CENPW: variants seen among roughly 807,000 people sequenced by gnomAD.
CENPW encodes the protein cancer-up-regulated gene 2 protein.
In CENPW, 3 loss-of-function variants were observed where a neutral mutation model predicts 11.1. The observed-to-expected ratio is 0.27, with a 90% CI of 0.12 to 0.70. The LOEUF (loss-of-function observed/expected upper bound fraction) is 0.70, where lower values mean the gene tolerates loss of function less well. Among genes scored for constraint, CENPW ranks in the 30% least tolerant of loss-of-function variants. The pLI is 0.77. For missense variants in CENPW, 100 were observed against 105.6 expected, an observed-to-expected ratio of 0.95 and a Z score of 0.23; for synonymous variants, 38 against 42.0, an observed-to-expected ratio of 0.91 and a Z score of 0.37.
the CENPW span, among the ~76,000 whole-genome samples, chr6:126,416,736 G>T: frequency 9.2e-5 from 14 of 152,212 alleles, no homozygotes; most frequent in Admixed American, 5.9e-4. Context: ...CCAGTGCACA[G>T]AAGTCAAGAA....
At chr6:126,362,883 A>C in the CENPW span, among the ~76,000 whole-genome samples, 2 of 152,174 alleles carry the variant, frequency 1.3e-5, no homozygotes, top group Non-Finnish European at 1.5e-5. Flanking sequence ...TACCCATAAG[A>C]GAAATACTGC....
chr6:126,342,004 A>G (rs1583952461), intron 1 of CENPW, among the ~76,000 whole-genome samples: 1 of 152,216 alleles, frequency 6.6e-6, no homozygotes, highest in Admixed American at 6.5e-5. Flanking sequence ...TTTCCCAGGT[A>G]GTATGCTCGT....
chr6:126,364,769 C>T, the CENPW span, among the ~76,000 whole-genome samples: 3 of 152,290 alleles, frequency 2.0e-5, no homozygotes, highest in South Asian at 2.1e-4. Flanking sequence ...CTTACCTTGT[C>T]ACCCTCCTAT....
the CENPW span, among the ~76,000 whole-genome samples, chr6:126,479,107 A>G: frequency 6.6e-6 from 1 of 151,832 alleles, no homozygotes; most frequent in East Asian, 1.9e-4. Flanking sequence ...ACTTGGTTTT[A>G]TCTCTTTCTT....
rs549840526 is a variant in CENPW at position 126,346,503 on chromosome 6, A to T, written c.240+185A>T. Among the ~76,000 whole-genome samples the T allele has an allele frequency of 5.3e-5, 8 of 152,286 alleles. No homozygotes were observed. In the South Asian group the frequency reaches 1.7e-3, roughly 32 times the overall value. On this transcript the variant is annotated intron_variant, in intron 2 of 2. Transcript: ENST00000368328. Reference sequence around the variant, plus strand: ...TCCATATGTATATTATTAATTTCCAATGGTAATATTAATGGCCACTGCTTT... The same window carrying T: ...TCCATATGTATATTATTAATTTCCATTGGTAATATTAATGGCCACTGCTTT...
the CENPW span, among the ~76,000 whole-genome samples, chr6:126,408,077 A>G: frequency 1.3e-5 from 2 of 152,192 alleles, no homozygotes; most frequent in African/African-American, 2.4e-5. Context: ...TTAACAAGCA[A>G]TAGGGAAAGG....
the CENPW span, among the ~76,000 whole-genome samples, chr6:126,384,691 A>C: frequency 6.6e-6 from 1 of 152,156 alleles, no homozygotes; most frequent in Admixed American, 6.6e-5. Flanking sequence ...TCTAGGCAAT[A>C]CCATTCTGGA....
the CENPW span, among the ~76,000 whole-genome samples, chr6:126,379,563 C>T: frequency 6.6e-6 from 1 of 152,212 alleles, no homozygotes; most frequent in African/African-American, 2.4e-5. Context: ...GAAACCTACA[C>T]TGGTTTATTC....
the CENPW span, among the ~76,000 whole-genome samples, chr6:126,441,086 C>A: frequency 6.6e-6 from 1 of 151,346 alleles, no homozygotes; most frequent in African/African-American, 2.4e-5. Context: ...GTCTACCAAG[C>A]AGATATACCC....
At chr6:126,458,547 T>C in the CENPW span, among the ~76,000 whole-genome samples, 1 of 151,350 alleles carries the variant, frequency 6.6e-6, no homozygotes, top group Non-Finnish European at 1.5e-5. Context: ...AGGTGAGCTT[T>C]CCATGCCCAT....
chr6:126,472,213 T>G, the CENPW span, among the ~76,000 whole-genome samples: 1 of 152,292 alleles, frequency 6.6e-6, no homozygotes, highest in South Asian at 2.1e-4. Context: ...ATTGATAAGT[T>G]TTAGCATATG....
the CENPW span, among the ~76,000 whole-genome samples, chr6:126,400,608 T>C: frequency 9.9e-5 from 15 of 152,222 alleles, 1 homozygote; most frequent in South Asian, 2.9e-3. Flanking sequence ...TATCAGACAT[T>C]ATCTCTTCAA....
At chr6:126,342,510 C>T (rs1480236089) in intron 1 of CENPW, among the ~76,000 whole-genome samples, 2 of 152,064 alleles carry the variant, frequency 1.3e-5, no homozygotes, top group African/African-American at 2.4e-5. Context: ...CCTTTTCTGT[C>T]TCCCATTATC....
chr6:126,422,013 C>T, the CENPW span, among the ~76,000 whole-genome samples: 4 of 151,990 alleles, frequency 2.6e-5, no homozygotes, highest in Non-Finnish European at 5.9e-5. Context: ...AGGGACAGTA[C>T]CTATATTTGA....
At chr6:126,477,203 G>A in the CENPW span, among the ~76,000 whole-genome samples, 1 of 151,878 alleles carries the variant, frequency 6.6e-6, no homozygotes, top group Non-Finnish European at 1.5e-5. Flanking sequence ...AGAAACACCA[G>A]TTGCCTATTA....
At chr6:126,434,942 C>T in the CENPW span, among the ~76,000 whole-genome samples, 3 of 151,892 alleles carry the variant, frequency 2.0e-5, no homozygotes, top group African/African-American at 7.2e-5. Context: ...TTCTAAAGAT[C>T]CAGATTATGC....
the CENPW span, among the ~76,000 whole-genome samples, chr6:126,410,293 C>T: frequency 3.3e-5 from 5 of 152,010 alleles, no homozygotes; most frequent in South Asian, 2.1e-4. Context: ...CTTTTGTTTT[C>T]GTTCAGCACT....
chr6:126,421,534 T>G, the CENPW span, among the ~76,000 whole-genome samples: 1 of 151,972 alleles, frequency 6.6e-6, no homozygotes, highest in Admixed American at 6.6e-5. Context: ...TATTAAGACT[T>G]TTTTTCTGCA....
At chr6:126,364,432 C>T in the CENPW span, among the ~76,000 whole-genome samples, 13 of 152,226 alleles carry the variant, frequency 8.5e-5, no homozygotes, top group East Asian at 1.5e-3. Context: ...ATAAGTTTCC[C>T]TTTCCCCAAA....
Sources: gnomAD v4.1 joint callset for allele counts (sites outside exome capture counted in the v4.1 genomes callset) on GRCh38, gnomAD v4.1.1 for gene constraint, MANE v1.5 for transcripts, NCBI Gene and HGNC (gene_info 2026-07-23, HGNC 2026-07-21) for gene names.